TMEM164: variants seen among roughly 807,000 people sequenced by gnomAD.
TMEM164 encodes the protein RP13-360B22.2.
A neutral mutation model predicts 18.8 loss-of-function variants in TMEM164; 4 were observed. The ratio of observed to expected loss-of-function variants is 0.21; its 90% CI spans 0.10 to 0.49. The LOEUF (loss-of-function observed/expected upper bound fraction) is 0.49. Ranked by LOEUF, TMEM164 falls within the 20% of genes least tolerant of loss-of-function variation. TMEM164 has a pLI of 0.98. For missense variants in TMEM164, 108 were observed against 239.9 expected (o/e 0.45, Z 3.63); for synonymous variants, 86 against 101.7 (o/e 0.85, Z 0.93).
At chrX:110,181,420 A>G (rs2067323470), downstream of TMEM164, among the ~76,000 whole-genome samples, 1 of 112,389 alleles carries the variant, frequency 8.9e-6, no homozygotes, top group Non-Finnish European at 1.9e-5. Context: ...CGGGGGATGC[A>G]TCGGAGTAGA....
At chrX:110,168,589 G>T (rs1398435841) in intron 5 of TMEM164, among the ~76,000 whole-genome samples, 1 of 112,551 alleles carries the variant, frequency 8.9e-6, no homozygotes, top group Non-Finnish European at 1.9e-5. Context: ...TGATATCTAT[G>T]TCTGCAAGGG....
intron 5 of TMEM164, among the ~76,000 whole-genome samples, chrX:110,154,814 G>T (rs917877084): frequency 1.8e-5 from 2 of 111,754 alleles, no homozygotes; most frequent in African/African-American, 6.5e-5. Context: ...CAGACTGTAG[G>T]TACAAATCCT....
chrX:110,103,052 G>T (rs1031868740), intron 3 of TMEM164, among the ~76,000 whole-genome samples: 7 of 112,262 alleles, frequency 6.2e-5, no homozygotes, highest in African/African-American at 1.9e-4. Flanking sequence ...CATGGTGCTT[G>T]CCATATTGCC....
intron 4 of TMEM164, among the ~76,000 whole-genome samples, chrX:110,144,513 G>A (rs759444863): frequency 2.7e-4 from 30 of 111,555 alleles, no homozygotes; most frequent in African/African-American, 9.4e-4. Context: ...AACCACCAAG[G>A]GGATATATTA....
intron 5 of TMEM164, among the ~76,000 whole-genome samples, chrX:110,165,708 G>A (rs938834796): frequency 3.6e-5 from 4 of 112,079 alleles, no homozygotes; most frequent in Non-Finnish European, 7.5e-5. Flanking sequence ...CTGGTGTAGT[G>A]GATAGGCATT....
At chrX:110,118,978 G>C (rs2066411195) in intron 4 of TMEM164, among the ~76,000 whole-genome samples, 1 of 111,152 alleles carries the variant, frequency 9.0e-6, no homozygotes, top group Admixed American at 9.6e-5. Context: ...CCTCTATGTT[G>C]CTTAGGGAAA....
chrX:110,135,501 C>T (rs974742234), intron 4 of TMEM164, among the ~76,000 whole-genome samples: 1 of 111,438 alleles, frequency 9.0e-6, no homozygotes. Flanking sequence ...GTACCAATTC[C>T]TAGAAGTGAA....
At chrX:110,119,819 C>G (rs1470472901) in intron 4 of TMEM164, among the ~76,000 whole-genome samples, 1 of 112,012 alleles carries the variant, frequency 8.9e-6, no homozygotes, top group African/African-American at 3.2e-5. Flanking sequence ...ATCCTAAACA[C>G]TGAGGAGGTG....
intron 2 of TMEM164, among the ~76,000 whole-genome samples, chrX:110,041,168 T>A (rs1935073278): frequency 8.9e-6 from 1 of 112,169 alleles, no homozygotes; most frequent in African/African-American, 3.2e-5. Flanking sequence ...CTGAGCCAAT[T>A]TGATTTTCCA....
intron 3 of TMEM164, among the ~76,000 whole-genome samples, chrX:110,071,930 T>C (rs1158135456): frequency 9.1e-6 from 1 of 109,313 alleles, no homozygotes. Flanking sequence ...GGATTAAAGT[T>C]ATGGTGGCTA....
intron 4 of TMEM164, among the ~76,000 whole-genome samples, chrX:110,117,137 T>C (rs2066380661): frequency 9.0e-6 from 1 of 111,466 alleles, no homozygotes; most frequent in Non-Finnish European, 1.9e-5. Flanking sequence ...TGTATTAGCA[T>C]GTCCATTTTA....
intron 2 of TMEM164, among the ~76,000 whole-genome samples, chrX:110,014,142 AATGATGATG>A (rs60030480): frequency 1.8e-5 from 2 of 108,667 alleles, no homozygotes; most frequent in East Asian, 6.0e-4. Flanking sequence ...AATACATTTA[AATGATGATG>A]ATGATGATGA....
At chrX:110,024,890 A>G (rs1196183189) in intron 2 of TMEM164, among the ~76,000 whole-genome samples, 1 of 111,872 alleles carries the variant, frequency 8.9e-6, no homozygotes, top group Non-Finnish European at 1.9e-5. Context: ...GTGTCGTGAA[A>G]AGATCTTGTA....
chrX:110,168,628 A>G (rs1230459906), intron 5 of TMEM164, among the ~76,000 whole-genome samples: 1 of 112,723 alleles, frequency 8.9e-6, no homozygotes, highest in East Asian at 2.8e-4. Context: ...CCATGAGCCT[A>G]AAGCAAGCCT....
At chrX:110,076,555 C>T (rs2065674342) in intron 3 of TMEM164, among the ~76,000 whole-genome samples, 1 of 111,131 alleles carries the variant, frequency 9.0e-6, no homozygotes, top group Non-Finnish European at 1.9e-5. Context: ...CTAGACACAA[C>T]TTCAGCTTGT....
chrX:110,041,574 G>A (rs1160236485), intron 2 of TMEM164, among the ~76,000 whole-genome samples: 1 of 111,456 alleles, frequency 9.0e-6, no homozygotes, highest in Non-Finnish European at 1.9e-5. Flanking sequence ...GCTAACCAGA[G>A]TCTTATATCC....
chrX:110,126,810 C>G (rs1425441929), intron 4 of TMEM164, among the ~76,000 whole-genome samples: 2 of 69,583 alleles, frequency 2.9e-5, no homozygotes, highest in African/African-American at 1.2e-4. Flanking sequence ...TGGGCCACTC[C>G]TGTGTGTGTG....
chrX:110,183,374 A>G (rs920761511), downstream of TMEM164, among the ~76,000 whole-genome samples: 3 of 112,562 alleles, frequency 2.7e-5, no homozygotes, highest in Admixed American at 2.8e-4. Context: ...TCGTCAAAAT[A>G]AAATCTTCAA....
At chrX:110,045,588 G>T (rs1293193450) in intron 2 of TMEM164, among the ~76,000 whole-genome samples, 2 of 111,893 alleles carry the variant, frequency 1.8e-5, no homozygotes, top group Non-Finnish European at 3.8e-5. Context: ...GGACTGAGTG[G>T]CCACCTGTCA....
Sources: allele counts gnomAD v4.1 joint callset (sites outside exome capture counted in the v4.1 genomes callset), GRCh38; gene constraint gnomAD v4.1.1; transcripts MANE v1.5; gene names NCBI Gene and HGNC (gene_info 2026-07-23, HGNC 2026-07-21).